Variants in PPP3CC observed in about 807,000 individuals in gnomAD.
PPP3CC encodes the protein protein phosphatase 3 catalytic subunit gamma.
PPP3CC carries 35 observed loss-of-function variants against 60.3 expected under a neutral mutation model. That is an observed-to-expected ratio of 0.58 (90% confidence interval 0.44 to 0.77). PPP3CC has a LOEUF of 0.77. Among genes scored for constraint, PPP3CC ranks in the 30% least tolerant of loss-of-function variants. PPP3CC has a pLI of 0.00. For synonymous variants in PPP3CC, 206 were observed against 224.3 expected (o/e 0.92, Z 0.73); for missense variants, 570 against 628.9 (o/e 0.91, Z 1.00).
chr8:22,459,574 G>A (rs1258690972), intron 1 of PPP3CC, among the ~76,000 whole-genome samples: 1 of 152,038 alleles, frequency 6.6e-6, no homozygotes, highest in African/African-American at 2.4e-5. Context: ...TTTGTCACAT[G>A]TTATGCCTAC....
intron 1 of PPP3CC, among the ~76,000 whole-genome samples, chr8:22,447,163 C>T (rs886774985): frequency 2.0e-5 from 3 of 149,454 alleles, no homozygotes; most frequent in African/African-American, 7.4e-5. Context: ...CATACGCCAC[C>T]GTGTCCAACT....
At chr8:22,508,423 T>C (rs549564411) in intron 4 of PPP3CC, among the ~76,000 whole-genome samples, 1 of 152,206 alleles carries the variant, frequency 6.6e-6, no homozygotes, top group Non-Finnish European at 1.5e-5. Context: ...TCATATACTT[T>C]GAAAAAATAA....
chr8:22,509,675 T>G (rs1839025440), intron 4 of PPP3CC, among the ~76,000 whole-genome samples: 1 of 152,180 alleles, frequency 6.6e-6, no homozygotes, highest in African/African-American at 2.4e-5. Context: ...GACAGCCACA[T>G]CAAAATATAA....
At chr8:22,484,684 C>G (rs1838170950) in intron 3 of PPP3CC, among the ~76,000 whole-genome samples, 1 of 152,144 alleles carries the variant, frequency 6.6e-6, no homozygotes, top group Non-Finnish European at 1.5e-5. Context: ...AATTCTTTAT[C>G]CTTGAAGATA....
At chr8:22,466,728 G>A (rs1361948929) in intron 1 of PPP3CC, among the ~76,000 whole-genome samples, 1 of 152,042 alleles carries the variant, frequency 6.6e-6, no homozygotes, top group Non-Finnish European at 1.5e-5. Context: ...TTAGCCCTTT[G>A]TCAGATGGGT....
At chr8:22,448,314 C>T (rs1399114580) in intron 1 of PPP3CC, among the ~76,000 whole-genome samples, 2 of 151,136 alleles carry the variant, frequency 1.3e-5, no homozygotes, top group Admixed American at 6.6e-5. Flanking sequence ...CCATAGAGGA[C>T]ATTTTGGGGA....
intron 6 of PPP3CC, among the ~76,000 whole-genome samples, chr8:22,514,096 A>G (rs933100272): frequency 6.6e-6 from 1 of 152,134 alleles, no homozygotes; most frequent in Non-Finnish European, 1.5e-5. Context: ...AAATAAAAAA[A>G]TTAGCCAGAT....
At chr8:22,483,211 A>G (rs80347642) in intron 3 of PPP3CC, among the ~76,000 whole-genome samples, 3,053 of 152,350 alleles carry the variant, frequency 0.02, 63 homozygotes, top group East Asian at 0.085. Context: ...ATAGTTTTGT[A>G]TTAGTGTCTT....
intron 3 of PPP3CC, chr8:22,492,817 C>T: frequency 1.0e-6 from 1 of 998,900 alleles, no homozygotes; most frequent in Non-Finnish European, 1.6e-6. Context: ...TGTTTACAAA[C>T]CAAGGAACAG....
At position 22,510,203 on chromosome 8, in the gene PPP3CC, AG is replaced by A. The variant is rs1455204056; in HGVS notation, c.485-881del. On this transcript the variant is annotated intron_variant, in intron 4 of 13. Coordinates refer to ENST00000240139, the MANE Select transcript of PPP3CC (RefSeq NM_005605.5). ...GTCTCAAAAAAAAAAAAAAAAAAAGAGGCCTCACTGTGTTGCCCAGGCTGGT... is the reference window on the plus strand; with the variant it reads ...GTCTCAAAAAAAAAAAAAAAAAAAGAGCCTCACTGTGTTGCCCAGGCTGGT... 3.6e-4 allele frequency among the ~76,000 whole-genome samples: 49 copies of A among 136,256 alleles called. No homozygotes were observed. In the East Asian group the frequency reaches 0.012, roughly 33 times the overall value. The allele number at this position is 136,256 out of a possible 152,430, so 89.4% of individuals were successfully genotyped here. A position where few individuals can be genotyped will look rare whatever the true frequency, so the allele number is the denominator to read the frequency against.
chr8:22,521,040 A>C (rs1400275109), intron 6 of PPP3CC, among the ~76,000 whole-genome samples: 1 of 152,162 alleles, frequency 6.6e-6, no homozygotes, highest in East Asian at 1.9e-4. Context: ...ATGGGGCTAC[A>C]TTAGGGTTCA....
intron 8 of PPP3CC, among the ~76,000 whole-genome samples, chr8:22,525,491 CTTCTTTCT>C (rs199717558): frequency 0.018 from 2,280 of 128,622 alleles, 22 homozygotes; most frequent in Non-Finnish European, 0.022. Context: ...GCTTCCTTTT[CTTCTTTCT>C]TTCTTTCTTT....
chr8:22,518,065 A>C (rs1419952523), intron 6 of PPP3CC, among the ~76,000 whole-genome samples: 2 of 149,244 alleles, frequency 1.3e-5, no homozygotes, highest in African/African-American at 4.9e-5. Flanking sequence ...ATTTATCTTG[A>C]GGTTTTTTTT....
chr8:22,466,921 A>AT (rs989526309), intron 1 of PPP3CC, among the ~76,000 whole-genome samples: 1 of 150,582 alleles, frequency 6.6e-6, no homozygotes, highest in African/African-American at 2.5e-5. Context: ...TAAAAAAAAA[A>AT]TTTTGTAGAG....
chr8:22,448,322 G>A (rs1178064651), intron 1 of PPP3CC, among the ~76,000 whole-genome samples: 1 of 151,654 alleles, frequency 6.6e-6, no homozygotes, highest in East Asian at 1.9e-4. Context: ...GACATTTTGG[G>A]GATAACTGGG....
intron 3 of PPP3CC, among the ~76,000 whole-genome samples, chr8:22,484,144 G>A (rs1838155432): frequency 1.3e-5 from 2 of 152,096 alleles, no homozygotes; most frequent in South Asian, 4.1e-4. Context: ...ACCACAGCCA[G>A]CTTGTATCAA....
At chr8:22,448,096 A>G (rs1164790485) in intron 1 of PPP3CC, among the ~76,000 whole-genome samples, 1 of 152,256 alleles carries the variant, frequency 6.6e-6, no homozygotes, top group Non-Finnish European at 1.5e-5. Context: ...AAAGGTGTTT[A>G]ATTTAAGCTG....
intron 1 of PPP3CC, among the ~76,000 whole-genome samples, chr8:22,444,884 C>T (rs1388808019): frequency 6.6e-6 from 1 of 152,064 alleles, no homozygotes; most frequent in African/African-American, 2.4e-5. Flanking sequence ...GTTCCTTTTC[C>T]TGTTTAAGGA....
chr8:22,475,354 A>T (rs550388793), intron 2 of PPP3CC, 146 bp from the exon 3 acceptor site: 6 of 1,021,402 alleles, frequency 5.9e-6, no homozygotes, highest in Non-Finnish European at 8.6e-6. Context: ...ACTATTTAGT[A>T]TGAGTAGATT....
Sources: allele counts gnomAD v4.1 joint callset (sites outside exome capture counted in the v4.1 genomes callset), GRCh38; gene constraint gnomAD v4.1.1; transcripts MANE v1.5; gene names NCBI Gene and HGNC (gene_info 2026-07-23, HGNC 2026-07-21).